RAB6B: variants seen among roughly 807,000 people sequenced by gnomAD.
RAB6B encodes RAB6B, member RAS oncogene family.
A neutral mutation model predicts 31.2 loss-of-function variants in RAB6B; 7 were observed. The ratio of observed to expected loss-of-function variants is 0.22; its 90% CI spans 0.13 to 0.42. The LOEUF (loss-of-function observed/expected upper bound fraction) is 0.42. RAB6B is among the 10% of genes least tolerant of loss of function. The pLI, the probability that RAB6B is intolerant of heterozygous loss-of-function variation, is 1.00. For missense variants in RAB6B, 149 were observed against 280.6 expected, an observed-to-expected ratio of 0.53 and a Z score of 3.35; for synonymous variants, 105 against 104.9, an observed-to-expected ratio of 1.00 and a Z score of -0.01.
At chr3:133,876,458 T>A (rs867274131) in intron 1 of RAB6B, among the ~76,000 whole-genome samples, 64 of 152,160 alleles carry the variant, frequency 4.2e-4, no homozygotes, top group African/African-American at 1.5e-3. Context: ...AGTTTCTCTC[T>A]CTTATTCACA....
intron 1 of RAB6B, among the ~76,000 whole-genome samples, chr3:133,869,810 C>T (rs1410189012): frequency 3.3e-5 from 5 of 152,216 alleles, no homozygotes; most frequent in Non-Finnish European, 7.3e-5. Flanking sequence ...ACGCATGCAG[C>T]AACCAGCAGA....
chr3:133,831,253 C>T (rs1285966116), intron 7 of RAB6B, among the ~76,000 whole-genome samples: 1 of 152,186 alleles, frequency 6.6e-6, no homozygotes, highest in Admixed American at 6.5e-5. Context: ...GTGTTTTTAA[C>T]AAGTTCTTTG....
chr3:133,857,913 T>A (rs1936105538), intron 2 of RAB6B, among the ~76,000 whole-genome samples: 1 of 152,076 alleles, frequency 6.6e-6, no homozygotes. Flanking sequence ...CTCGCTCACC[T>A]CCCACACAGC....
At chr3:133,861,505 T>C (rs529339627) in intron 2 of RAB6B, among the ~76,000 whole-genome samples, 3 of 152,284 alleles carry the variant, frequency 2.0e-5, no homozygotes, top group African/African-American at 7.2e-5. Context: ...CACACCCAGG[T>C]CCTCATGCCA....
chr3:133,873,773 A>C (rs542414096), intron 1 of RAB6B, among the ~76,000 whole-genome samples: 2 of 152,316 alleles, frequency 1.3e-5, no homozygotes, highest in South Asian at 4.1e-4. Context: ...AAAAATCCTC[A>C]TACGACTTTT....
At chr3:133,885,701 G>A (rs1936535997) in intron 1 of RAB6B, 7 of 689,814 alleles carry the variant, frequency 1.0e-5, no homozygotes, top group Non-Finnish European at 1.8e-5. Flanking sequence ...GCTTAAAGGG[G>A]CTAGCTTTGG....
intron 1 of RAB6B, among the ~76,000 whole-genome samples, chr3:133,887,680 A>C (rs1936569243): frequency 6.6e-6 from 1 of 152,172 alleles, no homozygotes; most frequent in African/African-American, 2.4e-5. Context: ...TCCAACATAC[A>C]GCCAGCCAGT....
chr3:133,829,837 A>G lies in RAB6B; in HGVS notation c.563-985T>C, dbSNP rs183937957. ...AGAGCCAACTTTTTGGCCACCTCTA[A>G]CAACCATGCGGCCATGGCATACATT... On this transcript the variant is annotated intron_variant, in intron 7 of 7. Transcript: ENST00000285208. Among the ~76,000 whole-genome samples the G allele has an allele frequency of 5.3e-5, 8 of 152,220 alleles. No homozygotes were observed. In the East Asian group the frequency reaches 1.2e-3, roughly 22 times the overall value.
chr3:133,888,872 G>A (rs1456166578), intron 1 of RAB6B, among the ~76,000 whole-genome samples: 1 of 152,118 alleles, frequency 6.6e-6, no homozygotes, highest in Non-Finnish European at 1.5e-5. Context: ...CCAGTCCCCA[G>A]GCCCTGCTTG....
intron 7 of RAB6B, among the ~76,000 whole-genome samples, chr3:133,829,967 A>G (rs985382381): frequency 9.2e-5 from 14 of 152,004 alleles, no homozygotes; most frequent in Non-Finnish European, 1.9e-4. Context: ...GTGTGTATGT[A>G]TATGTATCTT....
At chr3:133,864,112 C>T (rs1213276941) in intron 2 of RAB6B, among the ~76,000 whole-genome samples, 1 of 143,688 alleles carries the variant, frequency 7.0e-6, no homozygotes, top group Non-Finnish European at 1.5e-5. Context: ...GGAAGTGCCT[C>T]AGCAACCGTG....
At chr3:133,892,727 T>C (rs1008893634) in intron 1 of RAB6B, among the ~76,000 whole-genome samples, 1 of 152,006 alleles carries the variant, frequency 6.6e-6, no homozygotes, top group Non-Finnish European at 1.5e-5. Flanking sequence ...AAGTCCCCCA[T>C]GCACAGAAGA....
intron 2 of RAB6B, among the ~76,000 whole-genome samples, chr3:133,848,066 A>C (rs573311751): frequency 5.9e-5 from 9 of 152,324 alleles, no homozygotes; most frequent in African/African-American, 1.9e-4. Context: ...GCATCCAGCT[A>C]CTTACTACAA....
chr3:133,836,304 C>T (rs1054938926), intron 6 of RAB6B, among the ~76,000 whole-genome samples: 10 of 152,214 alleles, frequency 6.6e-5, no homozygotes, highest in Non-Finnish European at 1.3e-4. Flanking sequence ...ATGGCATTGG[C>T]CCTGGGCGGC....
At chr3:133,863,027 C>T (rs564751506) in intron 2 of RAB6B, among the ~76,000 whole-genome samples, 1 of 152,290 alleles carries the variant, frequency 6.6e-6, no homozygotes, top group East Asian at 1.9e-4. Flanking sequence ...GAATTCAAAC[C>T]GATCCAGTAG....
At chr3:133,839,007 T>C (rs1319435065) in intron 5 of RAB6B, among the ~76,000 whole-genome samples, 1 of 152,230 alleles carries the variant, frequency 6.6e-6, no homozygotes, top group South Asian at 2.1e-4. Flanking sequence ...GAAAGCTTCA[T>C]GCCAGACGCA....
chr3:133,894,891 C>A (rs1262901319), intron 1 of RAB6B, among the ~76,000 whole-genome samples: 1 of 152,204 alleles, frequency 6.6e-6, no homozygotes, highest in Non-Finnish European at 1.5e-5. Context: ...CGTGCCCTTT[C>A]GCATGGTTCC....
chr3:133,879,673 A>T (rs1444704582), intron 1 of RAB6B, among the ~76,000 whole-genome samples: 1 of 152,188 alleles, frequency 6.6e-6, no homozygotes, highest in Non-Finnish European at 1.5e-5. Flanking sequence ...GTTACTTGAA[A>T]ATCACCTGAG....
intron 1 of RAB6B, among the ~76,000 whole-genome samples, chr3:133,888,781 A>C (rs962280961): frequency 3.3e-5 from 5 of 152,168 alleles, no homozygotes; most frequent in African/African-American, 1.2e-4. Flanking sequence ...AGGAGTCCTT[A>C]AGAGTTGTGA....
Sources: allele counts gnomAD v4.1 joint callset (sites outside exome capture counted in the v4.1 genomes callset), GRCh38; gene constraint gnomAD v4.1.1; transcripts MANE v1.5; gene names NCBI Gene and HGNC (gene_info 2026-07-23, HGNC 2026-07-21).